Variants in CSMD1 observed in about 807,000 individuals in gnomAD.
The protein encoded by CSMD1 is CUB and Sushi multiple domains 1, also known as CUB and sushi domain-containing protein 1.
A neutral mutation model predicts 417.5 loss-of-function variants in CSMD1; 213 were observed. The ratio of observed to expected loss-of-function variants is 0.51; its 90% confidence interval spans 0.46 to 0.57. The LOEUF is 0.57. Ranked by LOEUF, CSMD1 falls within the 20% of genes least tolerant of loss-of-function variation. The pLI is 0.00. For missense variants in CSMD1, 6,923 were observed against 4,529.7 expected (o/e 1.53, Z -15.17); for synonymous variants, 2,862 against 1,736.8 (o/e 1.65, Z -16.11).
chr8:3,060,710 G>T (rs1012408131), intron 49 of CSMD1, among the ~76,000 whole-genome samples: 1 of 152,164 alleles, frequency 6.6e-6, no homozygotes, highest in Admixed American at 6.5e-5. Context: ...TGCTTTGAAT[G>T]CATCTCCTCC....
At chr8:3,684,769 T>C (rs144187895) in intron 7 of CSMD1, among the ~76,000 whole-genome samples, 226 of 152,248 alleles carry the variant, frequency 1.5e-3, no homozygotes, top group African/African-American at 5.2e-3. Flanking sequence ...AGTCAGAGCT[T>C]GACGGCAGCC....
At chr8:2,958,201 CA>C (rs1803159179) in intron 62 of CSMD1, among the ~76,000 whole-genome samples, 1 of 152,080 alleles carries the variant, frequency 6.6e-6, no homozygotes, top group Non-Finnish European at 1.5e-5. Flanking sequence ...GGGGATTGGT[CA>C]ACTCCTACTC....
intron 3 of CSMD1, among the ~76,000 whole-genome samples, chr8:4,087,699 C>T (rs180968168): frequency 3.3e-5 from 5 of 152,198 alleles, no homozygotes; most frequent in African/African-American, 1.2e-4. Context: ...CTCTGCCTGG[C>T]ATCCTGCCTC....
At chr8:4,558,804 G>T (rs929089539) in intron 2 of CSMD1, among the ~76,000 whole-genome samples, 1 of 152,172 alleles carries the variant, frequency 6.6e-6, no homozygotes, top group African/African-American at 2.4e-5. Flanking sequence ...GGAGGTGGAC[G>T]TTGCAGTGAA....
intron 2 of CSMD1, among the ~76,000 whole-genome samples, chr8:4,616,596 T>C (rs897055455): frequency 3.9e-5 from 6 of 152,330 alleles, no homozygotes; most frequent in East Asian, 1.9e-4. Flanking sequence ...CAAAACACTA[T>C]AGAATAAGAT....
chr8:4,425,923 T>A (rs910437091), intron 2 of CSMD1, among the ~76,000 whole-genome samples: 1 of 152,002 alleles, frequency 6.6e-6, no homozygotes, highest in Admixed American at 6.6e-5. Context: ...TTTTAGTGTT[T>A]TACAAAAAAT....
chr8:4,457,015 A>C (rs1799531775), intron 2 of CSMD1, among the ~76,000 whole-genome samples: 1 of 151,738 alleles, frequency 6.6e-6, no homozygotes, highest in Non-Finnish European at 1.5e-5. Context: ...AGAAAAGAAA[A>C]TCAATGTTAA....
intron 7 of CSMD1, among the ~76,000 whole-genome samples, chr8:3,619,607 A>G (rs4577978): frequency 1.3e-5 from 2 of 151,932 alleles, no homozygotes; most frequent in African/African-American, 4.8e-5. Context: ...ATTAATGAAC[A>G]CCTAGTAGGA....
chr8:3,337,756 G>A (rs1408219402), intron 23 of CSMD1, among the ~76,000 whole-genome samples: 6 of 152,162 alleles, frequency 3.9e-5, no homozygotes. Context: ...GGCCTAATGG[G>A]TAGAGAGAAA....
At chr8:3,602,427 G>A (rs534717912) in intron 8 of CSMD1, among the ~76,000 whole-genome samples, 2 of 152,254 alleles carry the variant, frequency 1.3e-5, no homozygotes, top group East Asian at 3.9e-4. Context: ...GAAAAATTAG[G>A]GAGCAGGGGG....
chr8:4,612,406 A>C (rs946695060), intron 2 of CSMD1, among the ~76,000 whole-genome samples: 1 of 152,226 alleles, frequency 6.6e-6, no homozygotes, highest in African/African-American at 2.4e-5. Flanking sequence ...TGGAATTCCA[A>C]ATGATTGTTT....
intron 54 of CSMD1, among the ~76,000 whole-genome samples, chr8:2,995,924 T>C (rs1200516110): frequency 1.3e-5 from 2 of 152,190 alleles, no homozygotes; most frequent in South Asian, 2.1e-4. Flanking sequence ...TGGGTGTGTT[T>C]ATAAGCGGAG....
intron 1 of CSMD1, among the ~76,000 whole-genome samples, chr8:4,809,228 G>C (rs1798764120): frequency 6.6e-6 from 1 of 152,162 alleles, no homozygotes; most frequent in South Asian, 2.1e-4. Context: ...AGAAAAGATA[G>C]AGTTTTATGA....
At chr8:4,843,953 C>G (rs535658211) in intron 1 of CSMD1, among the ~76,000 whole-genome samples, 4 of 152,090 alleles carry the variant, frequency 2.6e-5, no homozygotes, top group Non-Finnish European at 5.9e-5. Context: ...AAAGCTGTAA[C>G]GGAAAGTGTG....
At chr8:3,995,517 C>G (rs1815141922) in intron 5 of CSMD1, among the ~76,000 whole-genome samples, 1 of 152,182 alleles carries the variant, frequency 6.6e-6, no homozygotes, top group African/African-American at 2.4e-5. Flanking sequence ...GGCATTGAAG[C>G]TCAGACCTGG....
rs1020222042 is a variant in CSMD1 at position 3,016,933 on chromosome 8, A to G, written c.8029+1544T>C. On this transcript the variant is annotated intron_variant, in intron 52 of 69. Transcript: ENST00000635120. ...CCTAACTTTCAGACACAAGAATAAC[A>G]CAAGATAGATAAAGGCTTATCAGGG... 2.6e-5 allele frequency among the ~76,000 whole-genome samples: 4 copies of G among 152,296 alleles called. No individual in the cohort carries two copies. In the East Asian group the frequency reaches 7.7e-4, roughly 29 times the overall value.
intron 1 of CSMD1, among the ~76,000 whole-genome samples, chr8:4,717,260 T>C (rs1468508324): frequency 6.7e-6 from 1 of 149,578 alleles, no homozygotes; most frequent in Non-Finnish European, 1.5e-5. Context: ...AGGATGAAAA[T>C]AGGGCCTCAA....
chr8:3,597,719 A>G (rs1047737531), intron 8 of CSMD1, among the ~76,000 whole-genome samples: 9 of 152,178 alleles, frequency 5.9e-5, no homozygotes, highest in South Asian at 4.1e-4. Context: ...CATCATTCTC[A>G]GCAAAGTAAC....
intron 3 of CSMD1, among the ~76,000 whole-genome samples, chr8:4,248,295 C>G (rs1381683665): frequency 2.0e-5 from 3 of 152,096 alleles, no homozygotes; most frequent in Admixed American, 6.5e-5. Context: ...TACAAACAAT[C>G]TGAATTTATA....
Sources: allele counts gnomAD v4.1 joint callset (sites outside exome capture counted in the v4.1 genomes callset), GRCh38; gene constraint gnomAD v4.1.1; transcripts MANE v1.5; gene names NCBI Gene and HGNC (gene_info 2026-07-23, HGNC 2026-07-21).